HSF2BP: variants seen among roughly 807,000 people sequenced by gnomAD.
The protein encoded by HSF2BP is heat shock transcription factor 2 binding protein.
HSF2BP carries 35 observed loss-of-function variants against 35.0 expected under a neutral mutation model. The observed-to-expected ratio is 1.00, with a 90% CI of 0.76 to 1.32. The LOEUF (loss-of-function observed/expected upper bound fraction) is 1.32, where lower values mean the gene tolerates loss of function less well. HSF2BP is among the 40% of genes most tolerant of loss of function. HSF2BP has a pLI of 0.00. For missense variants in HSF2BP, 326 were observed against 321.7 expected (o/e 1.01, Z -0.10); for synonymous variants, 114 against 117.4 (o/e 0.97, Z 0.18).
rs1428261208 is a variant in HSF2BP at position 43,613,948 on chromosome 21, C to G, written c.575-1G>C. On this transcript the variant is annotated splice_acceptor_variant, in intron 6 of 8. Transcript: ENST00000291560. LOFTEE classifies it high-confidence loss of function. ...CGACCACATGCTATAGCAGCAACAT[C>G]TGCAACAGAAAATGAAACAAAACAT... 1 of 1,602,304 alleles carries G rather than the reference C, an allele frequency of 6.2e-7. No homozygotes were observed. Among genetic ancestry groups the G allele is most frequent in the Admixed American group, 1.7e-5 (1 of 58,936 alleles).
chr21:43,586,997 TAGA>T (rs990832607), intron 8 of HSF2BP, among the ~76,000 whole-genome samples: 7 of 152,166 alleles, frequency 4.6e-5, no homozygotes, highest in African/African-American at 1.7e-4. Flanking sequence ...ACCAAAGGAA[TAGA>T]AGAAGCCAGT....
chr21:43,643,921 C>T (rs1346750769), intron 4 of HSF2BP, among the ~76,000 whole-genome samples: 2 of 151,014 alleles, frequency 1.3e-5, no homozygotes, highest in African/African-American at 4.9e-5. Flanking sequence ...CACCACTGCA[C>T]TCCAGCCTGG....
chr21:43,635,812 C>A (rs1372414964), intron 4 of HSF2BP, among the ~76,000 whole-genome samples: 2 of 151,750 alleles, frequency 1.3e-5, no homozygotes, highest in Admixed American at 1.3e-4. Context: ...ACCTATAATC[C>A]CACCTACTCG....
chr21:43,615,979 T>C (rs576459125), intron 6 of HSF2BP, among the ~76,000 whole-genome samples: 102 of 151,680 alleles, frequency 6.7e-4, no homozygotes, highest in African/African-American at 2.3e-3. Context: ...TAAGACTTTA[T>C]ATTTTGAGGA....
intron 7 of HSF2BP, among the ~76,000 whole-genome samples, chr21:43,602,142 G>T (rs1356817335): frequency 6.6e-6 from 1 of 152,184 alleles, no homozygotes; most frequent in South Asian, 2.1e-4. Flanking sequence ...ACACTCTCCA[G>T]AAGTTTACAG....
intron 7 of HSF2BP, among the ~76,000 whole-genome samples, chr21:43,606,761 T>C (rs1488987996): frequency 6.6e-6 from 1 of 152,120 alleles, no homozygotes; most frequent in Non-Finnish European, 1.5e-5. Flanking sequence ...GGGAAATGCC[T>C]GGATGGTCAG....
rs1488317523 is a variant in HSF2BP at position 43,659,158 on chromosome 21, G to A, written c.-225+228C>T. ...ACAAAAAAATAACAAATAGTGGGGC[G>A]TGATGGCGCGCGCCTGTAGTCTCAG... On this transcript the variant is annotated intron_variant, in intron 1 of 8. Transcript: ENST00000291560. This position sits in a 1 kb window ranked among gnomAD's most constrained non-coding sequence, Gnocchi z 4.2. Among the ~76,000 whole-genome samples, 1 of 152,062 alleles carries A rather than the reference G, an allele frequency of 6.6e-6. No homozygotes were observed. The highest frequency in any genetic ancestry group is 6.5e-5 in the Admixed American group (1 of 15,284).
intron 7 of HSF2BP, among the ~76,000 whole-genome samples, chr21:43,593,531 T>C (rs180960534): frequency 3.3e-5 from 5 of 152,186 alleles, no homozygotes; most frequent in Non-Finnish European, 1.5e-5. Flanking sequence ...TTTCAGATAC[T>C]AGAAGTATCA....
At chr21:43,577,538 G>GT (rs1191936730) in intron 8 of HSF2BP, among the ~76,000 whole-genome samples, 1 of 152,186 alleles carries the variant, frequency 6.6e-6, no homozygotes, top group Non-Finnish European at 1.5e-5. Flanking sequence ...AGCATCAACT[G>GT]TAAGGCTGGC....
At chr21:43,652,102 T>G (rs1370848246) in intron 3 of HSF2BP, among the ~76,000 whole-genome samples, 1 of 152,214 alleles carries the variant, frequency 6.6e-6, no homozygotes, top group Non-Finnish European at 1.5e-5. Context: ...CAGGTTGCCT[T>G]TAGTCACTGC....
chr21:43,608,118 T>G (rs1004610335), intron 7 of HSF2BP, among the ~76,000 whole-genome samples: 1 of 107,382 alleles, frequency 9.3e-6, no homozygotes, highest in Non-Finnish European at 2.0e-5. Context: ...AATAAAGAGC[T>G]TCTCCACAGC....
chr21:43,635,550 G>C (rs534721247), intron 4 of HSF2BP, among the ~76,000 whole-genome samples: 14 of 151,960 alleles, frequency 9.2e-5, no homozygotes, highest in Admixed American at 4.6e-4. Flanking sequence ...CAATTCAATG[G>C]AAAAAGGATA....
intron 5 of HSF2BP, among the ~76,000 whole-genome samples, chr21:43,631,995 T>C (rs1188268766): frequency 1.7e-4 from 5 of 28,868 alleles, no homozygotes; most frequent in Non-Finnish European, 1.8e-4. Context: ...ACACACACAC[T>C]CCCACACACA....
At chr21:43,633,602 G>A (rs2082513028) in intron 4 of HSF2BP, among the ~76,000 whole-genome samples, 181 bp from the exon 5 acceptor site, 1 of 152,136 alleles carries the variant, frequency 6.6e-6, no homozygotes, top group Admixed American at 6.5e-5. Context: ...AAATTTCAAA[G>A]GCAAAAATAT....
intron 6 of HSF2BP, among the ~76,000 whole-genome samples, chr21:43,624,316 T>C (rs1359171864): frequency 6.6e-6 from 1 of 152,210 alleles, no homozygotes; most frequent in African/African-American, 2.4e-5. Context: ...ACTGGCACCT[T>C]ATTCTTCCAC....
At chr21:43,607,480 T>C (rs2082149566) in intron 7 of HSF2BP, among the ~76,000 whole-genome samples, 1 of 152,180 alleles carries the variant, frequency 6.6e-6, no homozygotes, top group Admixed American at 6.5e-5. Context: ...TTCATGTTCA[T>C]GGACTGGAAG....
intron 8 of HSF2BP, among the ~76,000 whole-genome samples, chr21:43,587,754 T>C (rs998387921): frequency 2.0e-5 from 3 of 149,490 alleles, no homozygotes; most frequent in Admixed American, 6.6e-5. Context: ...AAGCACCTCA[T>C]ATTATCCATA....
intron 8 of HSF2BP, among the ~76,000 whole-genome samples, chr21:43,577,805 G>A (rs1273803991): frequency 6.6e-6 from 1 of 152,140 alleles, no homozygotes; most frequent in Non-Finnish European, 1.5e-5. Context: ...ATCTGTTCCT[G>A]CCCCACCCTA....
In HSF2BP at chr21:43,597,033, T is replaced by A. The variant is rs2081996572; in HGVS notation, c.693-4705A>T. ...AGAAGTAAAACCACAGAGTCCAGGG[T>A]CACCAGGGTGGAAAGAAAGGGAAGA... On this transcript the variant is annotated intron_variant, in intron 7 of 8. Coordinates refer to ENST00000291560, the MANE Select transcript of HSF2BP (RefSeq NM_007031.2). This position sits in a 1 kb window ranked among gnomAD's most constrained non-coding sequence, Gnocchi z 4.3. 6.6e-6 allele frequency among the ~76,000 whole-genome samples: 1 copy of A among 151,782 alleles called. No homozygotes were observed. Among genetic ancestry groups the A allele is most frequent in the African/African-American group, 2.4e-5 (1 of 41,250 alleles).
Sources: gnomAD v4.1 joint callset for allele counts (sites outside exome capture counted in the v4.1 genomes callset) on GRCh38, gnomAD v4.1.1 for gene constraint, Gnocchi (gnomAD v3.1) non-coding constraint, MANE v1.5 for transcripts, NCBI Gene and HGNC (gene_info 2026-07-23, HGNC 2026-07-21) for gene names.